GCSAML: variants seen among roughly 807,000 people sequenced by gnomAD.
GCSAML encodes germinal center associated signaling and motility like, also known as germinal center-associated signaling and motility-like protein.
Under a neutral mutation model 13.0 loss-of-function variants are expected in GCSAML, and 9 were observed. That is an observed-to-expected ratio of 0.69 (90% CI 0.42 to 1.21). GCSAML has a LOEUF of 1.21. Ranked by LOEUF, GCSAML falls within the 50% of genes most tolerant of loss-of-function variation. GCSAML has a pLI of 0.00. For missense variants in GCSAML, 143 were observed against 153.4 expected, an observed-to-expected ratio of 0.93 and a Z score of 0.36; for synonymous variants, 37 against 52.9, an observed-to-expected ratio of 0.70 and a Z score of 1.31.
intron 4 of GCSAML, among the ~76,000 whole-genome samples, chr1:247,570,755 A>T (rs893856688): frequency 6.6e-6 from 1 of 152,038 alleles, no homozygotes; most frequent in African/African-American, 2.4e-5. Flanking sequence ...TCAAGTCCTG[A>T]ATATCCTTGT....
intron 1 of GCSAML, among the ~76,000 whole-genome samples, chr1:247,512,024 C>G (rs909192256): frequency 6.6e-6 from 1 of 152,138 alleles, no homozygotes; most frequent in African/African-American, 2.4e-5. Context: ...ACGGTGTTCT[C>G]TGTATTTCCT....
At chr1:247,545,677 C>T (rs192593379), upstream of GCSAML, among the ~76,000 whole-genome samples, 10 of 152,238 alleles carry the variant, frequency 6.6e-5, no homozygotes, top group East Asian at 1.7e-3. Flanking sequence ...TGTATGTCTT[C>T]TTTGGAGAGG....
intron 4 of GCSAML, among the ~76,000 whole-genome samples, chr1:247,570,611 G>C (rs1335555259): frequency 6.6e-6 from 1 of 152,132 alleles, no homozygotes; most frequent in Non-Finnish European, 1.5e-5. Context: ...ATTTGCTGAG[G>C]AGTGTTTTAC....
upstream of GCSAML, among the ~76,000 whole-genome samples, chr1:247,545,809 C>A (rs115429648): frequency 6.6e-6 from 1 of 152,122 alleles, no homozygotes; most frequent in Non-Finnish European, 1.5e-5. Flanking sequence ...ATTAAATATA[C>A]GGTTTGCAAA....
chr1:247,521,304 A>ACG (rs2103312119), intron 1 of GCSAML, among the ~76,000 whole-genome samples: 1 of 147,028 alleles, frequency 6.8e-6, no homozygotes, highest in South Asian at 2.3e-4. Flanking sequence ...GAAAAACATA[A>ACG]TGTCTCCCTC....
chr1:247,565,213 C>G (rs1668294603), intron 3 of GCSAML, among the ~76,000 whole-genome samples: 1 of 152,084 alleles, frequency 6.6e-6, no homozygotes, highest in Non-Finnish European at 1.5e-5. Flanking sequence ...CAAAAATTAG[C>G]TGGGCATGGT....
chr1:247,554,841 A>G (rs936088754), intron 1 of GCSAML, among the ~76,000 whole-genome samples: 5 of 152,188 alleles, frequency 3.3e-5, no homozygotes, highest in African/African-American at 1.2e-4. Context: ...GTCAACATCC[A>G]ACATTTAGAA....
At chr1:247,546,410 G>C (rs190053870), upstream of GCSAML, among the ~76,000 whole-genome samples, 11 of 152,200 alleles carry the variant, frequency 7.2e-5, no homozygotes, top group South Asian at 2.1e-4. Context: ...CCAGGCTGGA[G>C]TGCAGTGGCG....
At chr1:247,571,694 C>T (rs1158545463) in intron 4 of GCSAML, among the ~76,000 whole-genome samples, 1 of 152,142 alleles carries the variant, frequency 6.6e-6, no homozygotes, top group Non-Finnish European at 1.5e-5. Flanking sequence ...TTGCTCTTCT[C>T]AGGAGTATCT....
In GCSAML at chr1:247,527,377, G is replaced by T; in HGVS notation, c.-148+323G>T. ...GAGGTCAAGAAGATGACAGATATTT[G>T]GGGTAACGGGTCCCAGAGGGTCCTA... On this transcript the variant is annotated intron_variant, in intron 2 of 5. Coordinates refer to the GCSAML transcript ENST00000366489. The surrounding 1 kb of genome is among the most constrained non-coding windows in gnomAD (Gnocchi z 4.6). The T allele has an allele frequency of 5.8e-6, 1 of 172,046 alleles. No individual in the cohort carries two copies. Among genetic ancestry groups the T allele is most frequent in the East Asian group, 1.7e-4 (1 of 5,898 alleles). The allele number at this position is 172,046 out of a possible 1,614,324, so 10.7% of individuals were successfully genotyped here.
intron 2 of GCSAML, chr1:247,532,518 C>A: frequency 1.2e-6 from 2 of 1,610,044 alleles, no homozygotes; most frequent in Non-Finnish European, 8.5e-7. Context: ...TCATTGTATG[C>A]TGGGGGTGGG....
In GCSAML at chr1:247,514,001, A is replaced by C. The variant is rs143378182; in HGVS notation, c.-263+6768A>C. Among the ~76,000 whole-genome samples the C allele has an allele frequency of 2.8e-3, 431 of 151,898 alleles. 3 individuals are homozygous for C. Among genetic ancestry groups the C allele is most frequent in the African/African-American group, 0.01 (415 of 41,462 alleles). On this transcript the variant is annotated intron_variant, in intron 1 of 5. Transcript: ENST00000366489. The stretch of plus-strand genomic sequence containing the variant: ...ACCCCCCCACCGCCTTTTTTTTTTA[A>C]GATGGAGTCTTGCTCTGTCGCCAGG...
chr1:247,519,291 C>G (rs923160306), intron 1 of GCSAML: 8 of 152,144 alleles, frequency 5.3e-5, no homozygotes, highest in Non-Finnish European at 1.2e-4. Context: ...GTTTTACAGG[C>G]AGATAATGAC....
chr1:247,520,056 T>C (rs1666360190), intron 1 of GCSAML, among the ~76,000 whole-genome samples: 2 of 152,208 alleles, frequency 1.3e-5, no homozygotes, highest in Admixed American at 1.3e-4. Flanking sequence ...TGGCAAGTCA[T>C]AGTTTTTACT....
At chr1:247,546,479 C>A (rs141663162), upstream of GCSAML, among the ~76,000 whole-genome samples, 482 of 152,236 alleles carry the variant, frequency 3.2e-3, 4 homozygotes, top group African/African-American at 0.011. Flanking sequence ...CTGCCTCAGC[C>A]TCCCGAGTAG....
At chr1:247,530,523 C>CCCA (rs1288343014) in intron 2 of GCSAML, 5 of 141,170 alleles carry the variant, frequency 3.5e-5, no homozygotes, top group African/African-American at 1.3e-4. Context: ...GCCATCCCCC[C>CCCA]CCCACAAAAT....
chr1:247,550,142 C>T (rs1667716615), intron 1 of GCSAML, among the ~76,000 whole-genome samples: 1 of 152,258 alleles, frequency 6.6e-6, no homozygotes, highest in African/African-American at 2.4e-5. Context: ...TCCTTACTTA[C>T]GGGTATGGGG....
intron 2 of GCSAML, chr1:247,532,206 G>T (rs1428333839): frequency 1.9e-6 from 3 of 1,614,190 alleles, no homozygotes; most frequent in East Asian, 2.2e-5. Flanking sequence ...GGGAGATATA[G>T]AACTGGACCA....
intron 2 of GCSAML, among the ~76,000 whole-genome samples, chr1:247,556,885 A>G (rs116371205): frequency 0.013 from 1,938 of 152,058 alleles, 43 homozygotes; most frequent in African/African-American, 0.044. Flanking sequence ...CAAACTCTTC[A>G]CCAGGGCCTA....
Sources: allele counts gnomAD v4.1 joint callset (sites outside exome capture counted in the v4.1 genomes callset), GRCh38; gene constraint gnomAD v4.1.1; non-coding constraint Gnocchi (gnomAD v3.1); transcripts MANE v1.5; gene names NCBI Gene and HGNC (gene_info 2026-07-23, HGNC 2026-07-21).